NLRC5: variants seen among roughly 807,000 people sequenced by gnomAD.
NLRC5 encodes the protein protein NLRC5.
In NLRC5, 114 loss-of-function variants were observed where a neutral mutation model predicts 206.9. The observed-to-expected ratio is 0.55, with a 90% CI of 0.47 to 0.64. The LOEUF (loss-of-function observed/expected upper bound fraction) is 0.64. NLRC5 is among the 30% of genes least tolerant of loss of function. NLRC5 has a pLI of 0.00. For missense variants in NLRC5, 2,008 were observed against 2,305.5 expected, an observed-to-expected ratio of 0.87 and a Z score of 2.64; for synonymous variants, 952 against 962.8, an observed-to-expected ratio of 0.99 and a Z score of 0.21.
Position 57,077,792 on chromosome 16 carries a change from G to C in NLRC5, c.4993G>C (p.Glu1665Gln). 1.2e-6 allele frequency: 2 copies of C among 1,603,408 alleles called. No individual in the cohort carries two copies. Residue 1665 changes from glutamate to glutamine, a missense_variant, in exon 42 of 49, where the codon GAG becomes CAG. Coordinates refer to ENST00000688547, the MANE Select transcript of NLRC5 (RefSeq NM_001384950.1). ...GTCTCTCGTTCTTTGCAGGCGCCTG[G>C]AGGAGTTGATGTGAGTGTCTGCCCA... ...AESLVLCRRL[E>Q]ELMLGCNALG...
intron 1 of NLRC5, among the ~76,000 whole-genome samples, chr16:57,006,888 C>CATTATTATTATTAAT: frequency 6.9e-6 from 1 of 144,050 alleles, no homozygotes; most frequent in South Asian, 2.2e-4. Flanking sequence ...ACCGTTAACA[C>CATTATTATTATTAAT]ATTATTATTA....
chr16:57,055,119 G>A (rs770104687), intron 26 of NLRC5, 25 bp downstream of exon 26: 1 of 1,613,678 alleles, frequency 6.2e-7, no homozygotes, highest in Non-Finnish European at 8.5e-7. Flanking sequence ...ACCATGCCTA[G>A]GCAGCTAGTT....
chr16:57,022,349 G>T, intron 4 of NLRC5, 34 bp downstream of exon 4: 1 of 1,584,336 alleles, frequency 6.3e-7, no homozygotes, highest in Non-Finnish European at 8.7e-7. Context: ...GGAAGGGGGT[G>T]GTGAGCACTG....
intron 1 of NLRC5, among the ~76,000 whole-genome samples, chr16:57,005,212 T>C (rs1318036687): frequency 2.6e-5 from 4 of 152,340 alleles, no homozygotes; most frequent in Middle Eastern, 3.4e-3. Context: ...TTGTTTTCTA[T>C]AGAACAGTAA....
intron 2 of NLRC5, among the ~76,000 whole-genome samples, chr16:57,019,028 T>C (rs1272857019): frequency 6.6e-6 from 1 of 152,248 alleles, no homozygotes; most frequent in Non-Finnish European, 1.5e-5. Flanking sequence ...TCAAAGGAAC[T>C]GCACATTATT....
At chr16:57,072,352 G>A (rs2067887568) in intron 38 of NLRC5, among the ~76,000 whole-genome samples, 1 of 152,134 alleles carries the variant, frequency 6.6e-6, no homozygotes, top group African/African-American at 2.4e-5. Context: ...CAATCACTGT[G>A]GCTGTGAGCA....
chr16:57,023,820 C>A lies in NLRC5; in HGVS notation c.391C>A (p.Pro131Thr). ...CCCACATCAGAGCTGTGGGTCCTCA[C>A]CCCGCCGGAAGCAGTGCAAGAAGCA... ...KRPHQSCGSS[P>T]RRKQCKKQQL... The change falls in exon 5 of 49, where the codon CCC (proline) becomes ACC (threonine). Residue 131 changes from proline to threonine, a missense_variant. Pro to Thr is a conservative substitution (Grantham distance 38). Transcript: ENST00000688547. 1.2e-6 allele frequency: 2 copies of A among 1,612,128 alleles called. No individual in the cohort carries two copies. The highest frequency in any genetic ancestry group is 1.7e-6 in the Non-Finnish European group (2 of 1,179,038).
chr16:57,025,328 G>T, intron 5 of NLRC5, 40 bp from the exon 6 acceptor site: 1 of 1,499,722 alleles, frequency 6.7e-7, no homozygotes, highest in Non-Finnish European at 8.9e-7. Context: ...GCAGAGGGCC[G>T]GGGGGTCCTC....
chr16:56,993,489 G>A (rs1597044944), intron 1 of NLRC5, among the ~76,000 whole-genome samples: 2 of 152,248 alleles, frequency 1.3e-5, no homozygotes, highest in Non-Finnish European at 2.9e-5. Context: ...AAAACCAGGA[G>A]TGGATTTGCA....
intron 10 of NLRC5, among the ~76,000 whole-genome samples, chr16:57,030,488 AAAGAT>A (rs747200992): frequency 1.6e-4 from 19 of 115,290 alleles, no homozygotes; most frequent in Admixed American, 7.3e-4. Context: ...GGGTGGATGA[AAAGAT>A]GGATGGATGG....
At chr16:57,072,251 G>A (rs1350471379) in intron 38 of NLRC5, among the ~76,000 whole-genome samples, 1 of 152,118 alleles carries the variant, frequency 6.6e-6, no homozygotes, top group Non-Finnish European at 1.5e-5. Flanking sequence ...CAGCTTAGTG[G>A]AAAGGGAGTA....
At chr16:57,041,874 G>A (rs867540520) in intron 18 of NLRC5, 108 bp from the exon 19 acceptor site, 1 of 755,392 alleles carries the variant, frequency 1.3e-6, no homozygotes, top group Middle Eastern at 3.2e-4. Context: ...GGCAGCCCAG[G>A]GCTGTGTCCA....
intron 1 of NLRC5, among the ~76,000 whole-genome samples, chr16:56,997,218 T>A (rs919411705): frequency 6.6e-6 from 1 of 152,184 alleles, no homozygotes; most frequent in South Asian, 2.1e-4. Flanking sequence ...TCTTGGAGCC[T>A]GTTTCTTCAT....
intron 2 of NLRC5, among the ~76,000 whole-genome samples, chr16:57,020,195 G>A (rs1245976515): frequency 7.2e-6 from 1 of 138,246 alleles, no homozygotes; most frequent in African/African-American, 2.8e-5. Flanking sequence ...CTTCCCCCTA[G>A]TTCATCTGTA....
At chr16:56,994,703 G>A (rs2057387279) in intron 1 of NLRC5, among the ~76,000 whole-genome samples, 1 of 152,056 alleles carries the variant, frequency 6.6e-6, no homozygotes, top group African/African-American at 2.4e-5. Context: ...GGCATCTGGA[G>A]GAAGAGGGAA....
chr16:57,028,038 T>C, intron 6 of NLRC5, 34 bp from the exon 7 acceptor site: 1 of 1,547,556 alleles, frequency 6.5e-7, no homozygotes, highest in Non-Finnish European at 8.9e-7. Flanking sequence ...TGCCCAGCAC[T>C]GATCCTCTGA....
intron 15 of NLRC5, among the ~76,000 whole-genome samples, chr16:57,038,860 G>A (rs1254441753): frequency 1.3e-5 from 2 of 151,372 alleles, no homozygotes; most frequent in Non-Finnish European, 2.9e-5. Context: ...GCTGGAACCT[G>A]GGAGGCGGAG....
At chr16:57,063,754 T>C (rs928606343) in intron 32 of NLRC5, among the ~76,000 whole-genome samples, 2 of 152,038 alleles carry the variant, frequency 1.3e-5, no homozygotes, top group African/African-American at 2.4e-5. Flanking sequence ...ACTTTTTTTT[T>C]TTGAGACGGA....
intron 3 of NLRC5, 30 bp from the exon 4 acceptor site, chr16:57,022,226 T>C (rs775260538): frequency 6.3e-7 from 1 of 1,590,806 alleles, no homozygotes; most frequent in Admixed American, 1.7e-5. Flanking sequence ...GACAGCCCCA[T>C]ACCACATTAT....
Sources: allele counts gnomAD v4.1 joint callset (sites outside exome capture counted in the v4.1 genomes callset), GRCh38; gene constraint gnomAD v4.1.1; transcripts MANE v1.5; gene names NCBI Gene and HGNC (gene_info 2026-07-23, HGNC 2026-07-21).